Variants in GPC5 observed in about 807,000 individuals in gnomAD.
GPC5 encodes the protein glypican-5.
A neutral mutation model predicts 53.9 loss-of-function variants in GPC5; 47 were observed. That is an observed-to-expected ratio of 0.87 (90% confidence interval 0.69 to 1.11). GPC5 has a LOEUF of 1.11. Ranked by LOEUF, GPC5 falls within the 50% of genes most tolerant of loss-of-function variation. The pLI is 0.00. For missense variants in GPC5, 748 were observed against 713.1 expected, an observed-to-expected ratio of 1.05 and a Z score of -0.56; for synonymous variants, 286 against 263.3, an observed-to-expected ratio of 1.09 and a Z score of -0.84.
At chr13:92,653,189 T>A (rs189852201) in intron 7 of GPC5, among the ~76,000 whole-genome samples, 3 of 151,998 alleles carry the variant, frequency 2.0e-5, no homozygotes, top group Non-Finnish European at 4.4e-5. Context: ...AAGGATAGGG[T>A]GAATATGACC....
chr13:91,677,425 T>G (rs1389689610), intron 2 of GPC5, among the ~76,000 whole-genome samples: 2 of 152,186 alleles, frequency 1.3e-5, no homozygotes, highest in Non-Finnish European at 2.9e-5. Context: ...GCCATGATAT[T>G]TTGATTAAAT....
chr13:91,545,366 AT>A (rs551173878), intron 2 of GPC5, among the ~76,000 whole-genome samples: 1 of 152,062 alleles, frequency 6.6e-6, no homozygotes, highest in African/African-American at 2.4e-5. Context: ...CTCCCTGATA[AT>A]TTTTTTGTTT....
chr13:91,546,666 C>T (rs747359249), intron 2 of GPC5, among the ~76,000 whole-genome samples: 1 of 151,968 alleles, frequency 6.6e-6, no homozygotes, highest in Non-Finnish European at 1.5e-5. Flanking sequence ...AAGTCAGTTT[C>T]TCTGGAGCAA....
chr13:92,427,385 G>A lies in GPC5; in HGVS notation c.1561+282396G>A, dbSNP rs190011272. ...CTGATACGATTCTTATTTTCCAATA[G>A]AAGAAATGCACAAATTCCTCAGGAG... On this transcript the variant is annotated intron_variant, in intron 7 of 7. Transcript: ENST00000377067. 1.0e-4 allele frequency among the ~76,000 whole-genome samples: 15 copies of A among 150,400 alleles called. No individual in the cohort carries two copies. The East Asian group carries it at 1.6e-3, about 16-fold the overall frequency.
chr13:92,015,870 C>T (rs1450128099), intron 6 of GPC5, among the ~76,000 whole-genome samples: 1 of 152,138 alleles, frequency 6.6e-6, no homozygotes, highest in African/African-American at 2.4e-5. Context: ...CCTCACTGAA[C>T]ATCTCTTTTA....
intron 5 of GPC5, among the ~76,000 whole-genome samples, chr13:91,787,398 T>A (rs1566684196): frequency 1.3e-5 from 2 of 152,140 alleles, no homozygotes; most frequent in Non-Finnish European, 2.9e-5. Flanking sequence ...GATGTGGGAT[T>A]TTTTCAAATG....
In GPC5 at chr13:91,968,218, T is replaced by C. The variant is rs542470765; in HGVS notation, c.1401+60161T>C. Among the ~76,000 whole-genome samples, 7 of 152,268 alleles carry C rather than the reference T, an allele frequency of 4.6e-5. No homozygotes were observed. The South Asian group carries it at 1.4e-3, about 32-fold the overall frequency. Reference sequence around the variant, plus strand: ...TTTTCTCATTCCAAAAGCAAAATTATATTCCTCATGTATTTTTTCCTATTT... The same window carrying C: ...TTTTCTCATTCCAAAAGCAAAATTACATTCCTCATGTATTTTTTCCTATTT... On this transcript the variant is annotated intron_variant, in intron 6 of 7. Coordinates refer to ENST00000377067, the MANE Select transcript of GPC5 (RefSeq NM_004466.6).
intron 7 of GPC5, among the ~76,000 whole-genome samples, chr13:92,225,491 C>G (rs1566492970): frequency 6.6e-6 from 1 of 152,066 alleles, no homozygotes; most frequent in Non-Finnish European, 1.5e-5. Context: ...CTTAGAATAT[C>G]TGAGGGGAAG....
At chr13:91,964,231 C>G (rs1276403607) in intron 6 of GPC5, among the ~76,000 whole-genome samples, 1 of 152,156 alleles carries the variant, frequency 6.6e-6, no homozygotes, top group African/African-American at 2.4e-5. Flanking sequence ...AAAGAGTGAG[C>G]AGCAGCAAGA....
chr13:91,651,447 C>T (rs544452199), intron 2 of GPC5, among the ~76,000 whole-genome samples: 14 of 152,234 alleles, frequency 9.2e-5, no homozygotes, highest in African/African-American at 3.1e-4. Context: ...ATGCTGGGCA[C>T]GGTGGCTCAT....
At chr13:92,437,674 C>T (rs1344300097) in intron 7 of GPC5, among the ~76,000 whole-genome samples, 1 of 152,012 alleles carries the variant, frequency 6.6e-6, no homozygotes, top group African/African-American at 2.4e-5. Flanking sequence ...TACAACATCA[C>T]CCATTTATTA....
In GPC5 at chr13:91,693,890, G is replaced by C; in HGVS notation, c.1020+9G>C. On this transcript the variant is annotated intron_variant, in intron 3 of 7. Coordinates refer to ENST00000377067, the MANE Select transcript of GPC5 (RefSeq NM_004466.6). ...AAAAATTATTGGAACAGGTAAGTAG[G>C]AGCTCCACATTTTCAGTCTGACTTC... The C allele has an allele frequency of 1.3e-6, 2 of 1,567,726 alleles. No individual in the cohort carries two copies. The highest frequency in any genetic ancestry group is 1.7e-6 in the Non-Finnish European group (2 of 1,155,344).
chr13:91,938,307 G>A (rs977646228), intron 6 of GPC5, among the ~76,000 whole-genome samples: 2 of 152,072 alleles, frequency 1.3e-5, no homozygotes, highest in African/African-American at 4.8e-5. Flanking sequence ...CAGAGCAAGA[G>A]AGAAAGAGGG....
intron 2 of GPC5, among the ~76,000 whole-genome samples, chr13:91,660,410 C>T (rs2034959759): frequency 6.6e-6 from 1 of 152,226 alleles, no homozygotes; most frequent in African/African-American, 2.4e-5. Context: ...CTGAGGCCTG[C>T]CAATAATCAC....
At chr13:92,582,286 T>C (rs1264086840) in intron 7 of GPC5, among the ~76,000 whole-genome samples, 1 of 152,114 alleles carries the variant, frequency 6.6e-6, no homozygotes, top group Non-Finnish European at 1.5e-5. Context: ...TCCCATCATC[T>C]CTTATTGAAG....
chr13:92,467,515 TG>T (rs1878743734), intron 7 of GPC5, among the ~76,000 whole-genome samples: 1 of 152,120 alleles, frequency 6.6e-6, no homozygotes, highest in South Asian at 2.1e-4. Flanking sequence ...TATTAGTCAC[TG>T]TTCTACACAT....
At chr13:92,459,810 T>TC (rs1387611686) in intron 7 of GPC5, among the ~76,000 whole-genome samples, 1 of 152,192 alleles carries the variant, frequency 6.6e-6, no homozygotes, top group Non-Finnish European at 1.5e-5. Flanking sequence ...TCACTTTTTT[T>TC]CAGCTTGTCT....
chr13:91,967,410 GT>G (rs2040191476), intron 6 of GPC5, among the ~76,000 whole-genome samples: 1 of 151,956 alleles, frequency 6.6e-6, no homozygotes, highest in Non-Finnish European at 1.5e-5. Context: ...TATTATAAAA[GT>G]AAAATATACT....
At chr13:91,777,683 TTTTG>T (rs2037733007) in intron 5 of GPC5, among the ~76,000 whole-genome samples, 1 of 152,158 alleles carries the variant, frequency 6.6e-6, no homozygotes, top group Admixed American at 6.6e-5. Context: ...TGGAACTTGA[TTTTG>T]AGTAAGTTCA....
Sources: gnomAD v4.1 joint callset for allele counts (sites outside exome capture counted in the v4.1 genomes callset) on GRCh38, gnomAD v4.1.1 for gene constraint, MANE v1.5 for transcripts, NCBI Gene and HGNC (gene_info 2026-07-23, HGNC 2026-07-21) for gene names.